Variants in POU2F1 observed in about 807,000 individuals in gnomAD.
POU2F1 encodes the protein POU class 2 homeobox 1, also known as POU domain, class 2, transcription factor 1.
Under a neutral mutation model 84.9 loss-of-function variants are expected in POU2F1, and 16 were observed. The ratio of observed to expected loss-of-function variants is 0.19; its 90% CI spans 0.13 to 0.29. The LOEUF (loss-of-function observed/expected upper bound fraction) is 0.29. Among genes scored for constraint, POU2F1 ranks in the 10% least tolerant of loss-of-function variants. The pLI is 1.00. For synonymous variants in POU2F1, 368 were observed against 368.3 expected (o/e 1.00, Z 0.01); for missense variants, 738 against 942.6 (o/e 0.78, Z 2.84).
At chr1:167,346,307 A>G (rs913648001) in intron 2 of POU2F1, among the ~76,000 whole-genome samples, 5 of 152,346 alleles carry the variant, frequency 3.3e-5, no homozygotes, top group African/African-American at 9.6e-5. Flanking sequence ...ATTCATCTCT[A>G]AGGTGATGTA....
At position 167,389,777 on chromosome 1, in the gene POU2F1, C is replaced by T. The variant is rs1571424251; in HGVS notation, c.987+16C>T. 1 of 1,608,650 alleles carries T rather than the reference C, an allele frequency of 6.2e-7. No individual in the cohort carries two copies. The highest frequency in any genetic ancestry group is 8.5e-7 in the Non-Finnish European group (1 of 1,177,010). On this transcript the variant is annotated intron_variant, in intron 9 of 15. Transcript: ENST00000367866. ...ATTCACTCAGGTAGGGTGAATTGGC[C>T]TTACATTGATTCCCCTCCTTGGCTG...
chr1:167,360,827 CATGGA>C (rs1659307822), intron 2 of POU2F1, among the ~76,000 whole-genome samples: 1 of 152,080 alleles, frequency 6.6e-6, no homozygotes, highest in South Asian at 2.1e-4. Flanking sequence ...AACCCTCGCT[CATGGA>C]ATTATTTTCT....
intron 1 of POU2F1, among the ~76,000 whole-genome samples, chr1:167,322,607 A>T (rs1471266627): frequency 1.3e-5 from 2 of 152,200 alleles, no homozygotes; most frequent in Admixed American, 1.3e-4. Context: ...TTTGGGCGCT[A>T]CTTGCCGAGA....
intron 1 of POU2F1, among the ~76,000 whole-genome samples, chr1:167,243,052 A>C (rs1571150770): frequency 6.6e-6 from 1 of 152,118 alleles, no homozygotes; most frequent in African/African-American, 2.4e-5. Flanking sequence ...TAATTGAGAC[A>C]GAATCTACTG....
At chr1:167,312,791 A>G (rs1479687830) in intron 1 of POU2F1, among the ~76,000 whole-genome samples, 3 of 152,118 alleles carry the variant, frequency 2.0e-5, no homozygotes, top group Non-Finnish European at 4.4e-5. Flanking sequence ...ATACAGGTAT[A>G]CTATTTTTAA....
rs1658769969 is a variant in POU2F1 at position 167,354,026 on chromosome 1, A to G, written c.128-11441A>G. Among the ~76,000 whole-genome samples, 3 of 152,198 alleles carry G rather than the reference A, an allele frequency of 2.0e-5. No individual in the cohort carries two copies. The South Asian group carries it at 6.2e-4, about 31-fold the overall frequency. On this transcript the variant is annotated intron_variant, in intron 2 of 15. Coordinates refer to ENST00000367866, the MANE Select transcript of POU2F1 (RefSeq NM_002697.4). ...CCATAATGAAATTGAATTATACTGTACCATGGATATTTTATTACTGATTTC... is the reference window on the plus strand; with the variant it reads ...CCATAATGAAATTGAATTATACTGTGCCATGGATATTTTATTACTGATTTC...
intron 1 of POU2F1, among the ~76,000 whole-genome samples, chr1:167,315,624 TTTTGTTTG>T (rs535224611): frequency 5.3e-5 from 8 of 151,756 alleles, no homozygotes; most frequent in African/African-American, 9.7e-5. Context: ...AAAAATTGTT[TTTTGTTTG>T]TTTGTTTGTT....
intron 1 of POU2F1, among the ~76,000 whole-genome samples, chr1:167,286,517 G>A (rs928839942): frequency 6.6e-6 from 1 of 152,152 alleles, no homozygotes; most frequent in South Asian, 2.1e-4. Flanking sequence ...AAATTATAGC[G>A]AAGTTAAGCA....
At chr1:167,308,779 A>G (rs953382167) in intron 1 of POU2F1, among the ~76,000 whole-genome samples, 5 of 152,114 alleles carry the variant, frequency 3.3e-5, no homozygotes, top group Admixed American at 6.5e-5. Flanking sequence ...TAGGCCTCCT[A>G]AAGTGCTGGG....
chr1:167,306,135 T>A (rs968839462), intron 1 of POU2F1, among the ~76,000 whole-genome samples: 8 of 152,238 alleles, frequency 5.3e-5, no homozygotes, highest in Non-Finnish European at 1.2e-4. Context: ...AGTCTCTGAA[T>A]CATAACTACC....
At chr1:167,247,475 C>G (rs892292862) in intron 1 of POU2F1, among the ~76,000 whole-genome samples, 1 of 152,302 alleles carries the variant, frequency 6.6e-6, no homozygotes, top group South Asian at 2.1e-4. Context: ...CGTTACCCAA[C>G]TTTTTCCTCA....
chr1:167,386,560 G>A (rs140457487), intron 8 of POU2F1, among the ~76,000 whole-genome samples: 7 of 152,270 alleles, frequency 4.6e-5, no homozygotes, highest in South Asian at 2.1e-4. Flanking sequence ...GAAAGCATAC[G>A]TCCACACAAA....
At chr1:167,346,226 T>C (rs756722788) in intron 2 of POU2F1, among the ~76,000 whole-genome samples, 1 of 152,094 alleles carries the variant, frequency 6.6e-6, no homozygotes, top group Non-Finnish European at 1.5e-5. Flanking sequence ...ACTGAGTCTT[T>C]CATCCAGATA....
Position 167,368,817 on chromosome 1 carries a change from G to A in POU2F1, c.229-1344G>A, listed in dbSNP as rs570229444. On this transcript the variant is annotated intron_variant, in intron 3 of 15. Coordinates refer to ENST00000367866, the MANE Select transcript of POU2F1 (RefSeq NM_002697.4). The stretch of plus-strand genomic sequence containing the variant: ...TCATTTTAGCTCTTAACTCTTCACT[G>A]AGCTCCATACCAACATTTATATTTA... Among the ~76,000 whole-genome samples, 3 of 152,244 alleles carry A rather than the reference G, an allele frequency of 2.0e-5. No individual in the cohort carries two copies. In the South Asian group the frequency reaches 6.2e-4, roughly 32 times the overall value.
chr1:167,383,938 C>G lies in POU2F1; in HGVS notation c.800C>G (p.Thr267Ser), dbSNP rs1323152793. 1 of 1,612,894 alleles carries G rather than the reference C, an allele frequency of 6.2e-7. No individual in the cohort carries two copies. Among genetic ancestry groups the G allele is most frequent in the Non-Finnish European group, 8.5e-7 (1 of 1,179,294 alleles). The change falls in exon 8 of 16, where the codon ACC becomes AGC. Residue 267 changes from threonine (T) to serine (S), a missense_variant. By Grantham distance (58) the Thr-to-Ser change is moderately conservative. Transcript: ENST00000367866. ...ANLLQSQPSI[T>S]LTSQPATPTR... ...CTCCTACAGTCGCAGCCAAGCATCA[C>G]CCTCACCTCCCAGGTCAGTTTTCTT... is the stretch of plus-strand genomic sequence containing the variant.
chr1:167,371,872 A>T, intron 4 of POU2F1, 45 bp from the exon 5 acceptor site: 1 of 1,610,702 alleles, frequency 6.2e-7, no homozygotes. Context: ...CATTTCTTTT[A>T]ATCAACCATT....
chr1:167,321,695 A>G (rs1656323041), intron 1 of POU2F1, among the ~76,000 whole-genome samples: 1 of 152,204 alleles, frequency 6.6e-6, no homozygotes, highest in Admixed American at 6.5e-5. Context: ...TAGGTTCTGG[A>G]AGCTTAACAA....
rs1257397867 is a variant in POU2F1, at chr1:167,301,379, G to GT, written c.62-31088dup. ...AGCAGAAAATACCTTGCGTTATTTT[G>GT]TTTAACATTTCAAGCAAAGATAAAA... On this transcript the variant is annotated intron_variant, in intron 1 of 15. Transcript: ENST00000367866. Among the ~76,000 whole-genome samples, 18 of 152,272 alleles carry GT rather than the reference G, an allele frequency of 1.2e-4. No individual in the cohort carries two copies. The South Asian group carries it at 3.1e-3, about 26-fold the overall frequency.
intron 1 of POU2F1, among the ~76,000 whole-genome samples, chr1:167,294,845 A>G (rs1654176598): frequency 6.6e-6 from 1 of 152,162 alleles, no homozygotes; most frequent in Non-Finnish European, 1.5e-5. Context: ...AAGAAGTAAC[A>G]GTAGAAGGCT....
Sources: gnomAD v4.1 joint callset for allele counts (sites outside exome capture counted in the v4.1 genomes callset) on GRCh38, gnomAD v4.1.1 for gene constraint, MANE v1.5 for transcripts, NCBI Gene and HGNC (gene_info 2026-07-23, HGNC 2026-07-21) for gene names.